Variants in DNAH11 observed in about 807,000 individuals in gnomAD.
The protein encoded by DNAH11 is dynein axonemal heavy chain 11.
In DNAH11, 442 loss-of-function variants were observed where a neutral mutation model predicts 526.0. The ratio of observed to expected loss-of-function variants is 0.84; its 90% confidence interval spans 0.78 to 0.91. DNAH11 has a LOEUF of 0.91. Among genes scored for constraint, DNAH11 ranks in the 40% least tolerant of loss-of-function variants. DNAH11 has a pLI of 0.00. For synonymous variants in DNAH11, 2,461 were observed against 1,935.9 expected, an observed-to-expected ratio of 1.27 and a Z score of -7.12; for missense variants, 6,989 against 5,448.7, an observed-to-expected ratio of 1.28 and a Z score of -8.90.
At chr7:21,567,011 C>T (rs1050817346) in intron 6 of DNAH11, among the ~76,000 whole-genome samples, 6 of 152,164 alleles carry the variant, frequency 3.9e-5, no homozygotes, top group African/African-American at 1.4e-4. Flanking sequence ...CCTCTTTTGA[C>T]TGGAATGATT....
intron 55 of DNAH11, among the ~76,000 whole-genome samples, chr7:21,767,361 A>T (rs1354076884): frequency 6.6e-6 from 1 of 152,092 alleles, no homozygotes; most frequent in Non-Finnish European, 1.5e-5. Flanking sequence ...TGCTTTTTAC[A>T]GTTTCTTCCC....
At position 21,901,344 on chromosome 7, in the gene DNAH11, C is replaced by CTTTTTAGTAA; in HGVS notation, c.*91_*100dup. The CTTTTTAGTAA allele has an allele frequency of 7.2e-7, 1 of 1,384,736 alleles. No individual in the cohort carries two copies. The highest frequency in any genetic ancestry group is 9.4e-7 in the Non-Finnish European group (1 of 1,058,306). 85.8% of individuals were successfully genotyped at this position (1,384,736 alleles called of 1,614,324 possible). On this transcript the variant is annotated 3_prime_UTR_variant, in exon 82 of 82. Transcript: ENST00000409508. Reference sequence around the variant, plus strand: ...ACTGTTCCCATGCACATTATTCTAACTTTTTAGTAACTCACACGTGCATTC... The same window carrying CTTTTTAGTAA: ...ACTGTTCCCATGCACATTATTCTAACTTTTTAGTAATTTTTAGTAACTCACACGTGCATTC...
intron 27 of DNAH11, among the ~76,000 whole-genome samples, chr7:21,638,086 T>G (rs905329756): frequency 6.6e-6 from 1 of 152,200 alleles, no homozygotes; most frequent in African/African-American, 2.4e-5. Context: ...TTATTAGAAA[T>G]TATCCTGAGG....
chr7:21,667,756 T>C (rs557319183), intron 30 of DNAH11, among the ~76,000 whole-genome samples: 57 of 152,238 alleles, frequency 3.7e-4, no homozygotes, highest in African/African-American at 1.3e-3. Context: ...CTGTAAGAGA[T>C]TTTAAAATGA....
At chr7:21,677,145 A>T (rs958387285) in intron 30 of DNAH11, among the ~76,000 whole-genome samples, 16 of 152,234 alleles carry the variant, frequency 1.1e-4, no homozygotes, top group African/African-American at 3.9e-4. Context: ...AATGTATTAA[A>T]AGTACAGGTG....
intron 20 of DNAH11, among the ~76,000 whole-genome samples, chr7:21,613,934 AT>A (rs575437991): frequency 1.1e-3 from 162 of 142,684 alleles, no homozygotes; most frequent in Admixed American, 1.1e-3. Flanking sequence ...TGCCCAGCTA[AT>A]TTTTTTTTTT....
chr7:21,807,856 A>T (rs781208593), intron 62 of DNAH11, 27 bp from the exon 63 acceptor site: 1 of 1,577,008 alleles, frequency 6.3e-7, no homozygotes. Context: ...CTGCAATTAC[A>T]GCTGAGTAAT....
At chr7:21,547,593 A>T (rs1284550752) in intron 2 of DNAH11, among the ~76,000 whole-genome samples, 1 of 151,914 alleles carries the variant, frequency 6.6e-6, no homozygotes, top group East Asian at 1.9e-4. Flanking sequence ...CCCCTTCCTC[A>T]CTTAATTTTT....
chr7:21,892,501 T>C lies in DNAH11; in HGVS notation c.12584T>C (p.Ile4195Thr). ...YLDYAGYHQYIEEMLPPESPA... is the reference protein window; with the variant it reads ...YLDYAGYHQYTEEMLPPESPA... The stretch of plus-strand genomic sequence containing the variant: ...GATTATGCAGGCTACCACCAGTACA[T>C]AGAGGAGATGCTTCCTCCAGAAAGC... The change falls in exon 77 of 82, where the codon ATA becomes ACA. Residue 4195 changes from isoleucine (I) to threonine (T), a missense_variant. Coordinates refer to ENST00000409508, the MANE Select transcript of DNAH11 (RefSeq NM_001277115.2). The C allele has an allele frequency of 1.2e-6, 2 of 1,613,960 alleles. No individual in the cohort carries two copies. The highest frequency in any genetic ancestry group is 1.7e-6 in the Non-Finnish European group (2 of 1,179,868).
At position 21,558,941 on chromosome 7, in the gene DNAH11, T is replaced by C; in HGVS notation, c.635T>C (p.Leu212Pro). ...GGCAAAATGTCTAGAAGAACTCTTC[T>C]ACCAATTCCCACTGTTGCAGGAAAG... Reference protein sequence around the residue: ...FRGKMSRRTLLPIPTVAGKMD... With the variant: ...FRGKMSRRTLPPIPTVAGKMD... Residue 212 changes from leucine to proline, a missense_variant, in exon 3 of 82, where the codon CTA becomes CCA. Coordinates refer to ENST00000409508, the MANE Select transcript of DNAH11 (RefSeq NM_001277115.2). 1 of 1,596,468 alleles carries C rather than the reference T, an allele frequency of 6.3e-7. No homozygotes were observed. The highest frequency in any genetic ancestry group is 8.5e-7 in the Non-Finnish European group (1 of 1,170,592).
At chr7:21,765,170 C>T (rs1387458159) in intron 54 of DNAH11, among the ~76,000 whole-genome samples, 1 of 151,788 alleles carries the variant, frequency 6.6e-6, no homozygotes, top group African/African-American at 2.4e-5. Flanking sequence ...TAATGATAAC[C>T]AAAAATGTTT....
chr7:21,653,556 T>C (rs1051260918), intron 28 of DNAH11, among the ~76,000 whole-genome samples: 1 of 152,176 alleles, frequency 6.6e-6, no homozygotes, highest in Non-Finnish European at 1.5e-5. Context: ...TTGAATATTA[T>C]CTAGGCCCAT....
At chr7:21,625,472 G>A (rs535492423) in intron 25 of DNAH11, among the ~76,000 whole-genome samples, 8 of 152,004 alleles carry the variant, frequency 5.3e-5, no homozygotes, top group African/African-American at 1.9e-4. Context: ...TCCATTGGTC[G>A]TTTTGTTGTC....
rs370050555 is a variant in DNAH11 at position 21,787,370 on chromosome 7, G to A, written c.9742-31G>A. ...GGAATTTTCTCTGCAGCCAAAATGG[G>A]TTCATTGCAATAAATCTTTTTGCTT... On this transcript the variant is annotated intron_variant, in intron 59 of 81. Coordinates refer to ENST00000409508, the MANE Select transcript of DNAH11 (RefSeq NM_001277115.2). The A allele has an allele frequency of 6.3e-6, 10 of 1,581,340 alleles. No homozygotes were observed. In the Admixed American group the frequency reaches 1.1e-4, roughly 17 times the overall value.
At chr7:21,632,729 A>C (rs549496040) in intron 25 of DNAH11, among the ~76,000 whole-genome samples, 1 of 152,294 alleles carries the variant, frequency 6.6e-6, no homozygotes, top group East Asian at 1.9e-4. Flanking sequence ...AAAGCCATTC[A>C]AGTCTCTAGG....
intron 30 of DNAH11, among the ~76,000 whole-genome samples, chr7:21,671,848 G>A (rs561643861): frequency 9.4e-4 from 143 of 152,270 alleles, no homozygotes; most frequent in African/African-American, 3.4e-3. Context: ...ACTTAATGGT[G>A]AAACATTAGA....
chr7:21,774,864 A>G (rs1476536), intron 56 of DNAH11, among the ~76,000 whole-genome samples: 51,682 of 151,896 alleles, frequency 0.34, 9,716 homozygotes, highest in African/African-American at 0.47. Flanking sequence ...AATCCTCACT[A>G]GTGATCACCT....
intron 9 of DNAH11, among the ~76,000 whole-genome samples, chr7:21,583,954 A>G (rs1276392904): frequency 6.6e-6 from 1 of 152,230 alleles, no homozygotes; most frequent in Non-Finnish European, 1.5e-5. Flanking sequence ...ATGTGGAGAA[A>G]TAGGAATGCT....
At chr7:21,654,386 A>G (rs898945413) in intron 28 of DNAH11, among the ~76,000 whole-genome samples, 13 of 152,306 alleles carry the variant, frequency 8.5e-5, no homozygotes, top group African/African-American at 2.9e-4. Flanking sequence ...TATATTTTCA[A>G]GATTCATCCA....
Sources: allele counts gnomAD v4.1 joint callset (sites outside exome capture counted in the v4.1 genomes callset), GRCh38; gene constraint gnomAD v4.1.1; transcripts MANE v1.5; gene names NCBI Gene and HGNC (gene_info 2026-07-23, HGNC 2026-07-21).